Variants in STK33 observed in about 807,000 individuals in gnomAD.
STK33 encodes the protein serine/threonine-protein kinase 33.
Under a neutral mutation model 58.0 loss-of-function variants are expected in STK33, and 52 were observed. That is an observed-to-expected ratio of 0.90 (90% CI 0.72 to 1.13). The LOEUF (loss-of-function observed/expected upper bound fraction) is 1.13, where lower values mean the gene tolerates loss of function less well. Among genes scored for constraint, STK33 ranks in the 50% most tolerant of loss-of-function variants. The pLI is 0.00. For missense variants in STK33, 630 were observed against 604.2 expected (o/e 1.04, Z -0.45); for synonymous variants, 215 against 200.1 (o/e 1.07, Z -0.63).
At chr11:8,403,395 A>G (rs766424133) in intron 15 of STK33, among the ~76,000 whole-genome samples, 38 of 152,212 alleles carry the variant, frequency 2.5e-4, no homozygotes, top group Admixed American at 2.0e-3. Context: ...TAAGGGATGA[A>G]GGTTTCTTTT....
intron 1 of STK33, among the ~76,000 whole-genome samples, chr11:8,572,662 T>C (rs1240799952): frequency 6.6e-6 from 1 of 152,064 alleles, no homozygotes; most frequent in Non-Finnish European, 1.5e-5. Flanking sequence ...CAAGCAATCC[T>C]CCAACCTCAG....
intron 1 of STK33, among the ~76,000 whole-genome samples, chr11:8,490,246 C>T (rs557536027): frequency 3.9e-4 from 60 of 152,334 alleles, no homozygotes; most frequent in Middle Eastern, 6.8e-3. Flanking sequence ...TCTTAGCAAA[C>T]GGCACACCAG....
intron 11 of STK33, among the ~76,000 whole-genome samples, chr11:8,448,350 G>A (rs555776815): frequency 2.1e-4 from 32 of 152,216 alleles, no homozygotes; most frequent in African/African-American, 7.5e-4. Context: ...AAAGAACAAA[G>A]CTGGAGGCAT....
At chr11:8,556,537 C>G (rs545909300) in intron 1 of STK33, among the ~76,000 whole-genome samples, 1 of 152,264 alleles carries the variant, frequency 6.6e-6, no homozygotes, top group Admixed American at 6.5e-5. Flanking sequence ...CCTTCCACCC[C>G]CTTTCCCTTC....
chr11:8,412,706 T>G (rs1056116785), intron 15 of STK33, among the ~76,000 whole-genome samples: 4 of 152,220 alleles, frequency 2.6e-5, no homozygotes, highest in African/African-American at 7.2e-5. Context: ...GCTGGCAGGA[T>G]GCTCAATTAT....
chr11:8,410,472 T>TC (rs200680370), intron 15 of STK33, among the ~76,000 whole-genome samples: 1,429 of 140,640 alleles, frequency 0.01, 22 homozygotes, highest in African/African-American at 0.036. Flanking sequence ...TTTCTTTTCT[T>TC]TTTTTTTTTT....
the STK33 span, among the ~76,000 whole-genome samples, chr11:8,365,357 C>G: frequency 1.3e-5 from 2 of 152,198 alleles, no homozygotes; most frequent in Non-Finnish European, 2.9e-5. Flanking sequence ...GCCGGACACC[C>G]CAGAAGCTTT....
At chr11:8,530,717 T>G (rs534722901) in intron 1 of STK33, among the ~76,000 whole-genome samples, 2 of 152,310 alleles carry the variant, frequency 1.3e-5, no homozygotes, top group African/African-American at 4.8e-5. Flanking sequence ...TGAGACAGAC[T>G]CTTGCTCTGT....
intron 1 of STK33, among the ~76,000 whole-genome samples, chr11:8,591,594 A>C (rs1367031454): frequency 6.6e-6 from 1 of 152,196 alleles, no homozygotes; most frequent in African/African-American, 2.4e-5. Flanking sequence ...TGCCCCCAGC[A>C]TTCCCTCATC....
At chr11:8,492,860 C>T (rs553508493) in intron 1 of STK33, among the ~76,000 whole-genome samples, 6 of 152,160 alleles carry the variant, frequency 3.9e-5, no homozygotes, top group Middle Eastern at 3.4e-3. Context: ...GGGTAAATAA[C>T]GAAATGAAGG....
chr11:8,457,004 C>CA (rs1384601939), intron 9 of STK33, among the ~76,000 whole-genome samples: 1 of 151,736 alleles, frequency 6.6e-6, no homozygotes, highest in Non-Finnish European at 1.5e-5. Flanking sequence ...TCTACAAAGA[C>CA]AAAAAAATGC....
chr11:8,553,750 C>T (rs1956533010), intron 1 of STK33, among the ~76,000 whole-genome samples: 1 of 152,046 alleles, frequency 6.6e-6, no homozygotes, highest in South Asian at 2.1e-4. Context: ...TGAACATCCA[C>T]ATGCAGAAGA....
intron 12 of STK33, among the ~76,000 whole-genome samples, chr11:8,437,107 A>T (rs1354398479): frequency 6.6e-6 from 1 of 152,236 alleles, no homozygotes; most frequent in Non-Finnish European, 1.5e-5. Context: ...ATGTGGAAAA[A>T]TCAGACAATA....
the STK33 span, among the ~76,000 whole-genome samples, chr11:8,368,534 CTTAA>C: frequency 6.6e-6 from 1 of 152,248 alleles, no homozygotes; most frequent in Non-Finnish European, 1.5e-5. Context: ...TCTGTCTCTT[CTTAA>C]TTAATAGAAA....
chr11:8,585,963 G>A (rs1475855999), intron 1 of STK33, among the ~76,000 whole-genome samples: 1 of 152,134 alleles, frequency 6.6e-6, no homozygotes, highest in Non-Finnish European at 1.5e-5. Flanking sequence ...TGAGACAGGA[G>A]AATCGCTTGA....
At chr11:8,356,266 T>C in the STK33 span, among the ~76,000 whole-genome samples, 2 of 152,164 alleles carry the variant, frequency 1.3e-5, no homozygotes, top group African/African-American at 4.8e-5. Flanking sequence ...AGCATCCACG[T>C]CCACCTTTGA....
intron 2 of STK33, among the ~76,000 whole-genome samples, chr11:8,478,748 A>G (rs7124887): frequency 0.024 from 3,345 of 142,022 alleles, 100 homozygotes; most frequent in African/African-American, 0.085. Flanking sequence ...AGTAAAGGGG[A>G]AAAAAAAAAA....
chr11:8,403,403 T>G (rs1938483321), intron 15 of STK33, among the ~76,000 whole-genome samples: 1 of 152,212 alleles, frequency 6.6e-6, no homozygotes, highest in South Asian at 2.1e-4. Context: ...GAAGGTTTCT[T>G]TTTAAGAGAG....
At chr11:8,513,749 T>C (rs968362949) in intron 1 of STK33, among the ~76,000 whole-genome samples, 1 of 152,204 alleles carries the variant, frequency 6.6e-6, no homozygotes, top group Non-Finnish European at 1.5e-5. Flanking sequence ...AGGCATGCAA[T>C]GTGTAATAAC....
Sources: allele counts gnomAD v4.1 joint callset (sites outside exome capture counted in the v4.1 genomes callset), GRCh38; gene constraint gnomAD v4.1.1; transcripts MANE v1.5; gene names NCBI Gene and HGNC (gene_info 2026-07-23, HGNC 2026-07-21).